The following PDZRN4 variants were observed in gnomAD, a reference collection of about 807,000 sequenced individuals.
The protein encoded by PDZRN4 is PDZ domain-containing RING finger protein 4.
Under a neutral mutation model 99.0 loss-of-function variants are expected in PDZRN4, and 70 were observed. The observed-to-expected ratio is 0.71, with a 90% CI of 0.58 to 0.86. The LOEUF (loss-of-function observed/expected upper bound fraction) is 0.86. Among genes scored for constraint, PDZRN4 ranks in the 40% least tolerant of loss-of-function variants. The probability of loss-of-function intolerance (pLI) is 0.00; values close to 1 mark genes in which losing one functional copy is unlikely to be tolerated. For missense variants in PDZRN4, 1,474 were observed against 1,331.2 expected, an observed-to-expected ratio of 1.11 and a Z score of -1.67; for synonymous variants, 551 against 501.6, an observed-to-expected ratio of 1.10 and a Z score of -1.32.
At chr12:41,418,363 T>C (rs764654535) in intron 3 of PDZRN4, among the ~76,000 whole-genome samples, 6 of 152,182 alleles carry the variant, frequency 3.9e-5, no homozygotes, top group Non-Finnish European at 8.8e-5. Context: ...CTGGAAGAAA[T>C]GTATTGTGAT....
intron 3 of PDZRN4, among the ~76,000 whole-genome samples, chr12:41,298,509 TTTTA>T (rs747547804): frequency 3.9e-5 from 6 of 152,150 alleles, no homozygotes; most frequent in East Asian, 3.9e-4. Flanking sequence ...TTAGGTTTCA[TTTTA>T]TTTGTTTTAT....
chr12:41,455,363 T>C (rs1379771), intron 3 of PDZRN4, among the ~76,000 whole-genome samples: 78,587 of 151,948 alleles, frequency 0.52, 20,872 homozygotes, highest in African/African-American at 0.65. Context: ...AAAAAGATAG[T>C]CTTATCATTT....
chr12:41,259,031 A>G (rs1334052565), intron 3 of PDZRN4, among the ~76,000 whole-genome samples: 2 of 152,108 alleles, frequency 1.3e-5, no homozygotes, highest in Non-Finnish European at 2.9e-5. Flanking sequence ...AATTTTGAAA[A>G]CAATTGCATG....
At chr12:41,266,255 G>A (rs1212067728) in intron 3 of PDZRN4, among the ~76,000 whole-genome samples, 1 of 11,106 alleles carries the variant, frequency 9.0e-5, no homozygotes, top group Non-Finnish European at 2.2e-4. Context: ...AGCTTGCAGT[G>A]AGCCGAGATC....
intron 3 of PDZRN4, among the ~76,000 whole-genome samples, chr12:41,446,420 T>A (rs1482752375): frequency 6.6e-6 from 1 of 151,960 alleles, no homozygotes; most frequent in Non-Finnish European, 1.5e-5. Flanking sequence ...ATTTCCAAAC[T>A]ACTTAGTATG....
rs933922369 is a variant in PDZRN4, at chr12:41,574,367, A to T, written c.*477A>T. On this transcript the variant is annotated 3_prime_UTR_variant, in exon 10 of 10. Coordinates refer to ENST00000402685, the MANE Select transcript of PDZRN4 (RefSeq NM_001164595.2). ...TCATGTGCCACATCTTGTCTTACAC[A>T]TAAAAGCCACTGCTTTTAACATCCC... 2.0e-5 allele frequency: 3 copies of T among 153,056 alleles called. No homozygotes were observed. Among genetic ancestry groups the T allele is most frequent in the African/African-American group, 7.2e-5 (3 of 41,464 alleles). The allele number at this position is 153,056 out of a possible 1,614,324, so 9.5% of individuals were successfully genotyped here. A position where few individuals can be genotyped will look rare whatever the true frequency, so the allele number is the denominator to read the frequency against.
chr12:41,563,510 A>C (rs1939309467), intron 7 of PDZRN4, 38 bp from the exon 8 acceptor site: 2 of 1,404,762 alleles, frequency 1.4e-6, no homozygotes, highest in Non-Finnish European at 2.0e-6. Flanking sequence ...AGCATTGTGG[A>C]AATGGAAACT....
At chr12:41,234,891 T>C (rs539489510) in intron 3 of PDZRN4, among the ~76,000 whole-genome samples, 1 of 152,122 alleles carries the variant, frequency 6.6e-6, no homozygotes, top group East Asian at 1.9e-4. Context: ...ATGGGACTAA[T>C]TGAAGTGGAC....
intron 3 of PDZRN4, among the ~76,000 whole-genome samples, chr12:41,334,907 A>G (rs1297430130): frequency 1.3e-5 from 2 of 152,080 alleles, no homozygotes; most frequent in African/African-American, 4.8e-5. Flanking sequence ...AGACTGAAAT[A>G]TATGTGAGTC....
chr12:41,465,888 A>G (rs1461380706), intron 3 of PDZRN4, among the ~76,000 whole-genome samples: 1 of 152,088 alleles, frequency 6.6e-6, no homozygotes, highest in Non-Finnish European at 1.5e-5. Context: ...TTACTGTTTC[A>G]GTGTTTTTTT....
intron 5 of PDZRN4, among the ~76,000 whole-genome samples, chr12:41,519,977 G>A (rs1938466881): frequency 6.6e-6 from 1 of 152,056 alleles, no homozygotes; most frequent in Non-Finnish European, 1.5e-5. Flanking sequence ...TGTGATGTGG[G>A]AACGCTGTGC....
In PDZRN4 at chr12:41,294,104, A is replaced by G. The variant is rs574666529; in HGVS notation, c.843+99916A>G. ...TTTCCTCTATAGTTTGTTTGTTTGT[A>G]TCACAAGAGTACGTGTTTCACAGGC... is the stretch of plus-strand genomic sequence containing the variant. On this transcript the variant is annotated intron_variant, in intron 3 of 9. Coordinates refer to ENST00000402685, the MANE Select transcript of PDZRN4 (RefSeq NM_001164595.2). Among the ~76,000 whole-genome samples the G allele has an allele frequency of 2.6e-5, 4 of 152,212 alleles. No individual in the cohort carries two copies. In the South Asian group the frequency reaches 8.3e-4, roughly 32 times the overall value.
At chr12:41,390,589 T>G (rs2121118770) in intron 3 of PDZRN4, among the ~76,000 whole-genome samples, 1 of 129,490 alleles carries the variant, frequency 7.7e-6, no homozygotes, top group African/African-American at 2.9e-5. Flanking sequence ...TAAAAGCTTT[T>G]TTTATATTTC....
At chr12:41,571,376 T>TCTCTCTCTCTCTCTCA (rs1303597271) in intron 9 of PDZRN4, among the ~76,000 whole-genome samples, 3 of 65,514 alleles carry the variant, frequency 4.6e-5, no homozygotes, top group Non-Finnish European at 1.0e-4. Flanking sequence ...TCTCTCTCTC[T>TCTCTCTCTCTCTCTCA]CACACACACA....
intron 3 of PDZRN4, among the ~76,000 whole-genome samples, chr12:41,286,336 C>CTTTTTTTTTTTTTTTTTTTTTTTTTT (rs71081721): frequency 1.9e-5 from 2 of 106,298 alleles, no homozygotes; most frequent in African/African-American, 3.7e-5. Flanking sequence ...CCTTCTTCTT[C>CTTTTTTTTTTTTTTTTTTTTTTTTTT]TTTTTTTTTT....
chr12:41,230,471 A>G (rs1255508545), intron 3 of PDZRN4, among the ~76,000 whole-genome samples: 2 of 152,094 alleles, frequency 1.3e-5, no homozygotes, highest in Admixed American at 1.3e-4. Flanking sequence ...ATCAAAGGTC[A>G]TATTTGTGAT....
chr12:41,545,543 G>C (rs925153758), intron 5 of PDZRN4, among the ~76,000 whole-genome samples: 1 of 141,330 alleles, frequency 7.1e-6, no homozygotes, highest in Admixed American at 7.1e-5. Flanking sequence ...GTGTGTGTGT[G>C]TGTGTGTGTG....
intron 3 of PDZRN4, among the ~76,000 whole-genome samples, chr12:41,413,324 T>G (rs1952414153): frequency 6.6e-6 from 1 of 152,034 alleles, no homozygotes; most frequent in African/African-American, 2.4e-5. Flanking sequence ...AATATTTTCA[T>G]GCAATTAAAA....
chr12:41,553,347 G>A (rs1317515248), intron 6 of PDZRN4, among the ~76,000 whole-genome samples: 1 of 152,178 alleles, frequency 6.6e-6, no homozygotes. Flanking sequence ...AGACTGTGAA[G>A]CAAATTGTAT....
Sources: allele counts gnomAD v4.1 joint callset (sites outside exome capture counted in the v4.1 genomes callset), GRCh38; gene constraint gnomAD v4.1.1; transcripts MANE v1.5; gene names NCBI Gene and HGNC (gene_info 2026-07-23, HGNC 2026-07-21).